Variants in KCNIP4 observed in about 807,000 individuals in gnomAD.
KCNIP4 encodes the protein potassium voltage-gated channel interacting protein 4.
Under a neutral mutation model 34.0 loss-of-function variants are expected in KCNIP4, and 12 were observed. The ratio of observed to expected loss-of-function variants is 0.35; its 90% confidence interval spans 0.23 to 0.57. The LOEUF (loss-of-function observed/expected upper bound fraction) is 0.57. KCNIP4 is among the 20% of genes least tolerant of loss of function. The pLI is 0.83. For synonymous variants in KCNIP4, 124 were observed against 102.2 expected (o/e 1.21, Z -1.29); for missense variants, 238 against 311.7 (o/e 0.76, Z 1.78).
At chr4:21,704,755 C>G (rs765556191) in intron 1 of KCNIP4, among the ~76,000 whole-genome samples, 2 of 152,134 alleles carry the variant, frequency 1.3e-5, no homozygotes, top group African/African-American at 4.8e-5. Flanking sequence ...ATCACTCATA[C>G]ATGGACAGTG....
chr4:21,108,888 C>G (rs1200357808), intron 1 of KCNIP4, among the ~76,000 whole-genome samples: 1 of 152,204 alleles, frequency 6.6e-6, no homozygotes, highest in Non-Finnish European at 1.5e-5. Flanking sequence ...GCCTGGGTAA[C>G]AGCAGTGGTG....
intron 1 of KCNIP4, among the ~76,000 whole-genome samples, chr4:21,126,436 A>G (rs1362548565): frequency 2.0e-5 from 3 of 152,134 alleles, no homozygotes; most frequent in Non-Finnish European, 2.9e-5. Flanking sequence ...TTCAACATAC[A>G]GGAAAAGAGA....
chr4:21,435,303 G>A (rs1726853817), intron 1 of KCNIP4, among the ~76,000 whole-genome samples: 1 of 152,168 alleles, frequency 6.6e-6, no homozygotes, highest in African/African-American at 2.4e-5. Flanking sequence ...ATATGACTAT[G>A]GGTTACATTT....
chr4:21,622,467 T>C (rs1474188183), intron 1 of KCNIP4, among the ~76,000 whole-genome samples: 1 of 152,200 alleles, frequency 6.6e-6, no homozygotes, highest in Non-Finnish European at 1.5e-5. Context: ...CCCCAGAGTA[T>C]TTCAGAAAGG....
chr4:20,923,801 A>T (rs1031006120), intron 1 of KCNIP4, among the ~76,000 whole-genome samples: 1 of 152,190 alleles, frequency 6.6e-6, no homozygotes, highest in Non-Finnish European at 1.5e-5. Flanking sequence ...CTTTAGGGGA[A>T]GAAAAGAGAA....
chr4:20,918,189 A>G (rs1729031431), intron 1 of KCNIP4, among the ~76,000 whole-genome samples: 1 of 152,068 alleles, frequency 6.6e-6, no homozygotes, highest in African/African-American at 2.4e-5. Flanking sequence ...ACTCTGCTAA[A>G]CCGTCAAGCA....
chr4:21,635,883 C>T (rs1454894666), intron 1 of KCNIP4, among the ~76,000 whole-genome samples: 1 of 151,494 alleles, frequency 6.6e-6, no homozygotes, highest in African/African-American at 2.4e-5. Flanking sequence ...AGACTTGGAA[C>T]CAACCCAAAT....
chr4:20,836,304 G>A (rs34177173), intron 3 of KCNIP4, among the ~76,000 whole-genome samples: 27,006 of 151,960 alleles, frequency 0.18, 2,544 homozygotes, highest in South Asian at 0.36. Flanking sequence ...GGGCTTTTGC[G>A]CTTGCTGTGT....
chr4:21,405,537 G>C (rs1723910801), intron 1 of KCNIP4, among the ~76,000 whole-genome samples: 1 of 152,184 alleles, frequency 6.6e-6, no homozygotes, highest in Non-Finnish European at 1.5e-5. Context: ...GCAGTCTGTG[G>C]ATTCCCACAG....
At chr4:21,447,567 C>G (rs750776389) in intron 1 of KCNIP4, among the ~76,000 whole-genome samples, 13 of 152,092 alleles carry the variant, frequency 8.5e-5, no homozygotes, top group Non-Finnish European at 1.5e-4. Context: ...CAGATAGTAG[C>G]AAATCCTATA....
intron 1 of KCNIP4, among the ~76,000 whole-genome samples, chr4:21,355,075 C>A (rs937245295): frequency 6.6e-6 from 1 of 152,068 alleles, no homozygotes; most frequent in Admixed American, 6.6e-5. Flanking sequence ...AAAATGAAGG[C>A]AGAAATAAAT....
At chr4:21,090,756 A>G (rs1001251407) in intron 1 of KCNIP4, among the ~76,000 whole-genome samples, 1 of 152,234 alleles carries the variant, frequency 6.6e-6, no homozygotes, top group African/African-American at 2.4e-5. Flanking sequence ...CTCATTTTGA[A>G]AAATAATCAA....
intron 1 of KCNIP4, among the ~76,000 whole-genome samples, chr4:21,584,190 T>C (rs991862123): frequency 3.3e-5 from 5 of 152,194 alleles, no homozygotes; most frequent in Non-Finnish European, 2.9e-5. Context: ...TTAACGCTTA[T>C]ACTTCAGTGA....
intron 1 of KCNIP4, among the ~76,000 whole-genome samples, chr4:20,912,436 C>G (rs1243883422): frequency 6.6e-6 from 1 of 152,094 alleles, no homozygotes; most frequent in Non-Finnish European, 1.5e-5. Context: ...CATTTATAGG[C>G]TGGGTGCAGT....
At chr4:21,718,926 C>T (rs1298647671) in intron 1 of KCNIP4, 5 of 152,160 alleles carry the variant, frequency 3.3e-5, no homozygotes, top group Non-Finnish European at 7.4e-5. Context: ...TCAACAATTG[C>T]ATTTTTTGGA....
intron 1 of KCNIP4, among the ~76,000 whole-genome samples, chr4:21,418,253 G>A (rs935689122): frequency 1.3e-5 from 2 of 152,120 alleles, no homozygotes; most frequent in South Asian, 2.1e-4. Context: ...GCCTGCATCC[G>A]TGCCTTATGC....
At chr4:21,838,946 C>T (rs923012123) in intron 1 of KCNIP4, among the ~76,000 whole-genome samples, 4 of 152,058 alleles carry the variant, frequency 2.6e-5, no homozygotes, top group African/African-American at 9.7e-5. Flanking sequence ...TATGAATGTC[C>T]TTCAGTCAAA....
At chr4:21,213,063 C>T (rs568342366) in intron 1 of KCNIP4, among the ~76,000 whole-genome samples, 2 of 152,108 alleles carry the variant, frequency 1.3e-5, no homozygotes, top group African/African-American at 4.8e-5. Context: ...GAAATAATAA[C>T]TAAAGTGAAC....
chr4:21,562,013 G>A (rs568259394), intron 1 of KCNIP4, among the ~76,000 whole-genome samples: 21 of 151,804 alleles, frequency 1.4e-4, no homozygotes, highest in Non-Finnish European at 2.9e-4. Context: ...AGAATTCTGG[G>A]ACTTTTCCTG....
Sources: allele counts gnomAD v4.1 joint callset (sites outside exome capture counted in the v4.1 genomes callset), GRCh38; gene constraint gnomAD v4.1.1; transcripts MANE v1.5; gene names NCBI Gene and HGNC (gene_info 2026-07-23, HGNC 2026-07-21).